CPQ: variants seen among roughly 807,000 people sequenced by gnomAD.
The protein encoded by CPQ is carboxypeptidase Q.
A neutral mutation model predicts 45.7 loss-of-function variants in CPQ; 37 were observed. The ratio of observed to expected loss-of-function variants is 0.81; its 90% CI spans 0.62 to 1.07. CPQ has a LOEUF of 1.07. CPQ is among the 50% of genes least tolerant of loss of function. The pLI, the probability that CPQ is intolerant of heterozygous loss-of-function variation, is 0.00. For missense variants in CPQ, 537 were observed against 572.9 expected, an observed-to-expected ratio of 0.94 and a Z score of 0.64; for synonymous variants, 186 against 205.8, an observed-to-expected ratio of 0.90 and a Z score of 0.82.
intron 5 of CPQ, among the ~76,000 whole-genome samples, chr8:96,988,564 C>T (rs1300548006): frequency 1.3e-5 from 2 of 152,192 alleles, no homozygotes; most frequent in Non-Finnish European, 2.9e-5. Flanking sequence ...TCTGACAAAA[C>T]ATTGCTTGTT....
At chr8:96,943,062 C>T (rs1344536897) in intron 4 of CPQ, among the ~76,000 whole-genome samples, 1 of 152,094 alleles carries the variant, frequency 6.6e-6, no homozygotes, top group Non-Finnish European at 1.5e-5. Flanking sequence ...CCACTGGATC[C>T]AGGTAATGTC....
intron 5 of CPQ, among the ~76,000 whole-genome samples, chr8:96,972,062 A>G (rs1813688822): frequency 6.6e-6 from 1 of 152,210 alleles, no homozygotes; most frequent in Non-Finnish European, 1.5e-5. Context: ...AAAAAAAACT[A>G]TGAGTCTGTT....
chr8:96,834,849 C>G, intron 2 of CPQ, 124 bp from the exon 3 acceptor site: 1 of 763,440 alleles, frequency 1.3e-6, no homozygotes, highest in South Asian at 2.3e-5. Flanking sequence ...GGCTCTAAAA[C>G]TTTGATCTTC....
chr8:97,039,083 T>A (rs573795929), intron 6 of CPQ, among the ~76,000 whole-genome samples: 1 of 152,300 alleles, frequency 6.6e-6, no homozygotes, highest in South Asian at 2.1e-4. Flanking sequence ...CCTGTAGGTA[T>A]TTGGCCAACA....
At chr8:96,691,719 G>A (rs1027491987) in intron 1 of CPQ, among the ~76,000 whole-genome samples, 1 of 152,196 alleles carries the variant, frequency 6.6e-6, no homozygotes, top group Admixed American at 6.5e-5. Flanking sequence ...TGGGAAATAT[G>A]TTCTTGATAT....
chr8:96,970,656 C>T (rs1483007744), intron 5 of CPQ, among the ~76,000 whole-genome samples: 1 of 151,932 alleles, frequency 6.6e-6, no homozygotes, highest in East Asian at 1.9e-4. Flanking sequence ...CTCCGCCTCC[C>T]GGGTTCACGC....
intron 4 of CPQ, among the ~76,000 whole-genome samples, chr8:96,929,358 T>A (rs1246168382): frequency 6.6e-6 from 1 of 152,224 alleles, no homozygotes; most frequent in Non-Finnish European, 1.5e-5. Flanking sequence ...CTGCTCTGTT[T>A]GAATGTGTAT....
chr8:96,742,070 TG>T (rs1369851968), intron 1 of CPQ, among the ~76,000 whole-genome samples: 4 of 143,484 alleles, frequency 2.8e-5, no homozygotes, highest in East Asian at 2.0e-4. Flanking sequence ...ATGTTGACAG[TG>T]GGGTGTTAAA....
chr8:96,973,352 C>T (rs1813714958), intron 5 of CPQ, among the ~76,000 whole-genome samples: 1 of 152,068 alleles, frequency 6.6e-6, no homozygotes, highest in African/African-American at 2.4e-5. Context: ...AACAAAGCCT[C>T]CAAGAAGTTT....
At chr8:97,048,446 G>T (rs1165451096) in intron 6 of CPQ, among the ~76,000 whole-genome samples, 1 of 152,158 alleles carries the variant, frequency 6.6e-6, no homozygotes, top group Non-Finnish European at 1.5e-5. Context: ...TAAACTCAAA[G>T]CACAAATAAT....
chr8:96,854,030 C>T (rs909211618), intron 3 of CPQ, among the ~76,000 whole-genome samples: 8 of 152,088 alleles, frequency 5.3e-5, no homozygotes, highest in African/African-American at 1.4e-4. Flanking sequence ...GCCTTTAGCA[C>T]ATTATTTTTA....
At chr8:96,781,064 CAT>C (rs1172907539) in intron 1 of CPQ, among the ~76,000 whole-genome samples, 10 of 152,088 alleles carry the variant, frequency 6.6e-5, no homozygotes, top group South Asian at 4.1e-4. Context: ...TTGTGCTTCT[CAT>C]ATTATCTGTG....
intron 5 of CPQ, among the ~76,000 whole-genome samples, chr8:97,020,924 G>C (rs1328935020): frequency 6.6e-6 from 1 of 151,980 alleles, no homozygotes; most frequent in Non-Finnish European, 1.5e-5. Context: ...AACCAAAAAA[G>C]AAAACTAAAG....
intron 2 of CPQ, among the ~76,000 whole-genome samples, chr8:96,816,118 G>A (rs551003415): frequency 3.7e-4 from 56 of 152,258 alleles, no homozygotes; most frequent in African/African-American, 1.3e-3. Flanking sequence ...ATGTGATGGT[G>A]TTTGGTAGCA....
At chr8:96,865,941 GT>G (rs1811991088) in intron 3 of CPQ, among the ~76,000 whole-genome samples, 3 of 152,110 alleles carry the variant, frequency 2.0e-5, no homozygotes, top group Admixed American at 1.3e-4. Flanking sequence ...AGGGAGTAAG[GT>G]GGAAAGCCTG....
intron 5 of CPQ, among the ~76,000 whole-genome samples, chr8:97,010,162 G>A (rs1173738452): frequency 6.6e-6 from 1 of 152,196 alleles, no homozygotes; most frequent in Non-Finnish European, 1.5e-5. Flanking sequence ...AAGCAATTCA[G>A]TTACTTCCAG....
At chr8:96,741,876 AG>A (rs1810097589) in intron 1 of CPQ, among the ~76,000 whole-genome samples, 1 of 145,708 alleles carries the variant, frequency 6.9e-6, no homozygotes, top group African/African-American at 2.6e-5. Flanking sequence ...ACATTTGCTG[AG>A]GAGAGCTTTA....
intron 7 of CPQ, among the ~76,000 whole-genome samples, chr8:97,077,800 T>C (rs779949493): frequency 6.6e-6 from 1 of 152,204 alleles, no homozygotes; most frequent in African/African-American, 2.4e-5. Context: ...TTCAAACTCA[T>C]GTTGTTCAAA....
chr8:96,965,872 T>A, intron 4 of CPQ, 63 bp from the exon 5 acceptor site: 1 of 998,528 alleles, frequency 1.0e-6, no homozygotes, highest in Non-Finnish European at 1.5e-6. Flanking sequence ...TACCTATAAA[T>A]GTTTACTCTT....
Sources: gnomAD v4.1 joint callset for allele counts (sites outside exome capture counted in the v4.1 genomes callset) on GRCh38, gnomAD v4.1.1 for gene constraint, MANE v1.5 for transcripts, NCBI Gene and HGNC (gene_info 2026-07-23, HGNC 2026-07-21) for gene names.